Variants in SCRG1 observed in about 807,000 individuals in gnomAD.
The protein encoded by SCRG1 is stimulator of chondrogenesis 1.
SCRG1 carries 3 observed loss-of-function variants against 7.7 expected under a neutral mutation model. The observed-to-expected ratio is 0.39, with a 90% CI of 0.18 to 1.01. The LOEUF is 1.01. Among genes scored for constraint, SCRG1 ranks in the 50% least tolerant of loss-of-function variants. The pLI, the probability that SCRG1 is intolerant of heterozygous loss-of-function variation, is 0.36. For missense variants in SCRG1, 110 were observed against 117.2 expected (o/e 0.94, Z 0.28); for synonymous variants, 46 against 41.2 (o/e 1.12, Z -0.44).
chr4:173,430,259 A>G, the SCRG1 span, among the ~76,000 whole-genome samples: 2 of 152,162 alleles, frequency 1.3e-5, no homozygotes, highest in Admixed American at 6.5e-5. Context: ...ATATTAGAAA[A>G]CCTGAACCCT....
the SCRG1 span, among the ~76,000 whole-genome samples, chr4:173,483,745 T>TGA: frequency 4.8e-5 from 2 of 42,002 alleles, 1 homozygote; most frequent in Non-Finnish European, 8.0e-5. Flanking sequence ...ATATGATATA[T>TGA]TATATGTGAT....
At chr4:173,466,974 T>C in the SCRG1 span, among the ~76,000 whole-genome samples, 1 of 152,180 alleles carries the variant, frequency 6.6e-6, no homozygotes. Context: ...CTAATTTCTC[T>C]AGTTTCTGAA....
chr4:173,498,734 GTA>G, the SCRG1 span, among the ~76,000 whole-genome samples: 2 of 152,122 alleles, frequency 1.3e-5, no homozygotes, highest in African/African-American at 4.8e-5. Context: ...GTATATGTAT[GTA>G]TATGTGTGTG....
the SCRG1 span, among the ~76,000 whole-genome samples, chr4:173,515,215 C>G: frequency 6.6e-6 from 1 of 152,160 alleles, no homozygotes; most frequent in East Asian, 1.9e-4. This position sits in a 1 kb window ranked among gnomAD's most constrained non-coding sequence, Gnocchi z 4.6. Context: ...CAGGATTTTT[C>G]CAAGATGGCA....
chr4:173,385,990 A>G lies in SCRG1; in HGVS notation c.*2351T>C, dbSNP rs749892074. 1.3e-5 allele frequency: 2 copies of G among 152,370 alleles called. No homozygotes were observed. Among genetic ancestry groups the G allele is most frequent in the Middle Eastern group, 3.4e-3 (1 of 294 alleles). The allele number at this position is 152,370 out of a possible 1,614,324, so 9.4% of individuals were successfully genotyped here. On this transcript the variant is annotated 3_prime_UTR_variant, in exon 3 of 3. Coordinates refer to ENST00000296506, the MANE Select transcript of SCRG1 (RefSeq NM_007281.4). ...CATTACCAGTCAATTCAGTGAAGAAAGAAAGGCCAATCAAATCACATGCTA... is the reference window on the plus strand; with the variant it reads ...CATTACCAGTCAATTCAGTGAAGAAGGAAAGGCCAATCAAATCACATGCTA...
At chr4:173,504,170 T>C in the SCRG1 span, among the ~76,000 whole-genome samples, 26 of 152,112 alleles carry the variant, frequency 1.7e-4, no homozygotes, top group Admixed American at 2.0e-4. The surrounding 1 kb of genome is among the most constrained non-coding windows in gnomAD (Gnocchi z 4.7). Flanking sequence ...ATTGGTTTTT[T>C]TTCATTTGAA....
chr4:173,424,687 T>C, the SCRG1 span, among the ~76,000 whole-genome samples: 1 of 152,144 alleles, frequency 6.6e-6, no homozygotes, highest in African/African-American at 2.4e-5. Flanking sequence ...GGTTGGTGGA[T>C]CTCCTGAGGT....
chr4:173,496,652 A>G, the SCRG1 span, among the ~76,000 whole-genome samples: 8 of 152,254 alleles, frequency 5.3e-5, no homozygotes, highest in Non-Finnish European at 8.8e-5. Context: ...GCAAACAGGC[A>G]TCAAGTACTT....
the SCRG1 span, among the ~76,000 whole-genome samples, chr4:173,483,845 A>T: frequency 3.4e-3 from 56 of 16,326 alleles, 11 homozygotes; most frequent in East Asian, 0.032. Context: ...TATAATATAT[A>T]ATATATATTT....
the SCRG1 span, among the ~76,000 whole-genome samples, chr4:173,457,397 G>C: frequency 4.2e-4 from 64 of 152,342 alleles, 1 homozygote; most frequent in Non-Finnish European, 8.5e-4. Flanking sequence ...TTCTGGAATA[G>C]AGCCAATTCC....
chr4:173,416,278 C>T, the SCRG1 span, among the ~76,000 whole-genome samples: 2 of 152,278 alleles, frequency 1.3e-5, no homozygotes, highest in Non-Finnish European at 2.9e-5. Context: ...CATTTCCATG[C>T]TCACTCCCAA....
the SCRG1 span, among the ~76,000 whole-genome samples, chr4:173,416,059 G>C: frequency 6.6e-6 from 1 of 152,230 alleles, no homozygotes; most frequent in East Asian, 1.9e-4. Context: ...GGCAGGGGCC[G>C]TGCAGTCTCC....
the SCRG1 span, among the ~76,000 whole-genome samples, chr4:173,416,846 A>C: frequency 2.6e-5 from 4 of 151,796 alleles, no homozygotes; most frequent in Non-Finnish European, 5.9e-5. Context: ...GAATATACAC[A>C]TAAGAAGAAA....
chr4:173,427,545 TC>T, the SCRG1 span, among the ~76,000 whole-genome samples: 1 of 152,224 alleles, frequency 6.6e-6, no homozygotes, highest in African/African-American at 2.4e-5. Flanking sequence ...GATAATAATT[TC>T]TTGCATAGGG....
chr4:173,485,129 C>A, the SCRG1 span, among the ~76,000 whole-genome samples: 10 of 4,192 alleles, frequency 2.4e-3, no homozygotes, highest in Admixed American at 4.4e-3. Context: ...TATAATATAT[C>A]ATATATATTA....
the SCRG1 span, among the ~76,000 whole-genome samples, chr4:173,437,084 GTC>G: frequency 6.6e-6 from 1 of 152,208 alleles, no homozygotes; most frequent in Non-Finnish European, 1.5e-5. Context: ...ATAAAAGGCA[GTC>G]TCTATGTTAA....
At chr4:173,455,574 T>G in the SCRG1 span, among the ~76,000 whole-genome samples, 2 of 152,122 alleles carry the variant, frequency 1.3e-5, no homozygotes, top group South Asian at 2.1e-4. Flanking sequence ...CATTAGACAC[T>G]TCCCTGAAAG....
the SCRG1 span, among the ~76,000 whole-genome samples, chr4:173,509,715 T>G: frequency 6.7e-6 from 1 of 149,388 alleles, no homozygotes; most frequent in African/African-American, 2.5e-5. This position sits in a 1 kb window ranked among gnomAD's most constrained non-coding sequence, Gnocchi z 5.7. Flanking sequence ...TCCGCGCCCC[T>G]CCCCACCCCA....
the SCRG1 span, among the ~76,000 whole-genome samples, chr4:173,418,489 GAAAT>G: frequency 2.6e-5 from 4 of 152,212 alleles, no homozygotes; most frequent in Non-Finnish European, 5.9e-5. Context: ...ACATAAGCAA[GAAAT>G]AAATAGTTTT....
Sources: allele counts gnomAD v4.1 joint callset (sites outside exome capture counted in the v4.1 genomes callset), GRCh38; gene constraint gnomAD v4.1.1; non-coding constraint Gnocchi (gnomAD v3.1); transcripts MANE v1.5; gene names NCBI Gene and HGNC (gene_info 2026-07-23, HGNC 2026-07-21).